Variants in KMT2E observed in about 807,000 individuals in gnomAD.
The protein encoded by KMT2E is histone reader KMT2E.
In KMT2E, 30 loss-of-function variants were observed where a neutral mutation model predicts 184.6. The ratio of observed to expected loss-of-function variants is 0.16; its 90% CI spans 0.12 to 0.22. The LOEUF (loss-of-function observed/expected upper bound fraction) is 0.22. Ranked by LOEUF, KMT2E falls within the 10% of genes least tolerant of loss-of-function variation. The pLI is 1.00. For synonymous variants in KMT2E, 815 were observed against 776.5 expected (o/e 1.05, Z -0.82); for missense variants, 2,023 against 2,237.4 (o/e 0.90, Z 1.93).
In KMT2E at chr7:105,114,499, T is replaced by C. The variant is rs1799514666; in HGVS notation, c.*1166T>C. On this transcript the variant is annotated 3_prime_UTR_variant, in exon 27 of 27. Coordinates refer to ENST00000311117, the MANE Select transcript of KMT2E (RefSeq NM_182931.3). ...AAATGGCCTCTTAAGTGAACGTTTT[T>C]ATTGCTAAAATATAAAATGCTAGTT... 1 of 152,218 alleles carries C rather than the reference T, an allele frequency of 6.6e-6. No homozygotes were observed. Among genetic ancestry groups the C allele is most frequent in the African/African-American group, 2.4e-5 (1 of 41,462 alleles). The allele number at this position is 152,218 out of a possible 1,614,324, so 9.4% of individuals were successfully genotyped here. A position where few individuals can be genotyped will look rare whatever the true frequency, so the allele number is the denominator to read the frequency against.
At chr7:105,050,871 A>G (rs1222767746) in intron 3 of KMT2E, among the ~76,000 whole-genome samples, 2 of 151,796 alleles carry the variant, frequency 1.3e-5, no homozygotes, top group Non-Finnish European at 2.9e-5. Flanking sequence ...CTGAGATTAC[A>G]GGTGGCCACC....
intron 13 of KMT2E, among the ~76,000 whole-genome samples, chr7:105,085,887 T>C (rs1014361118): frequency 2.0e-5 from 3 of 152,134 alleles, no homozygotes; most frequent in Admixed American, 2.0e-4. Context: ...TTAGCCAGGA[T>C]GGTCTCCATC....
chr7:105,105,920 C>G lies in KMT2E; in HGVS notation c.2513C>G (p.Pro838Arg). 1 of 1,613,526 alleles carries G rather than the reference C, an allele frequency of 6.2e-7. No individual in the cohort carries two copies. The highest frequency in any genetic ancestry group is 8.5e-7 in the Non-Finnish European group (1 of 1,179,636). The change falls in exon 19 of 27, where the codon CCC (proline) becomes CGC (arginine). Residue 838 changes from proline (P) to arginine (R), a missense_variant. Physicochemically the swap from Pro to Arg is moderately radical, Grantham distance 103. Coordinates refer to ENST00000311117, the MANE Select transcript of KMT2E (RefSeq NM_182931.3). ...GCAATTTTACATAGATTTAATTCACCCTGTCAAGAAAGATCCAGAAGTCCT... is the reference window on the plus strand; with the variant it reads ...GCAATTTTACATAGATTTAATTCACGCTGTCAAGAAAGATCCAGAAGTCCT... ...NSAILHRFNS[P>R]CQERSRSPAV...
At chr7:105,015,349 T>C (rs1391410305) in intron 1 of KMT2E, among the ~76,000 whole-genome samples, 1 of 152,222 alleles carries the variant, frequency 6.6e-6, no homozygotes, top group Non-Finnish European at 1.5e-5. Context: ...CAGAGTGCTC[T>C]CTTCTACTGG....
At chr7:105,095,242 G>GAACT (rs1362222133) in intron 15 of KMT2E, among the ~76,000 whole-genome samples, 3 of 152,136 alleles carry the variant, frequency 2.0e-5, no homozygotes, top group African/African-American at 7.2e-5. Flanking sequence ...ATTGTCTCAT[G>GAACT]AACTCTAGGT....
chr7:105,104,441 AT>A (rs1798802952), intron 17 of KMT2E: 1 of 152,138 alleles, frequency 6.6e-6, no homozygotes. Context: ...CAATCCCAAC[AT>A]TTGGGGAGGT....
chr7:105,105,174 A>G (rs1584801694), intron 17 of KMT2E: 2 of 283,040 alleles, frequency 7.1e-6, no homozygotes, highest in Admixed American at 5.3e-5. Flanking sequence ...CAAAAAAAAA[A>G]GTAATACAAA....
At chr7:105,024,539 A>G (rs1445546997) in intron 1 of KMT2E, among the ~76,000 whole-genome samples, 1 of 152,196 alleles carries the variant, frequency 6.6e-6, no homozygotes, top group East Asian at 1.9e-4. Flanking sequence ...GACCTCATGT[A>G]TCAATTATAT....
At chr7:105,048,409 G>A (rs1796192536) in intron 3 of KMT2E, among the ~76,000 whole-genome samples, 1 of 151,734 alleles carries the variant, frequency 6.6e-6, no homozygotes, top group South Asian at 2.1e-4. Context: ...TAAATACTGA[G>A]TTTTAAAAAA....
intron 13 of KMT2E, among the ~76,000 whole-genome samples, chr7:105,083,235 A>G (rs1349872971): frequency 6.6e-6 from 1 of 152,154 alleles, no homozygotes; most frequent in Non-Finnish European, 1.5e-5. Context: ...CCAGACTTTC[A>G]TGATCTTCTC....
chr7:105,047,317 G>C (rs1306433872), intron 3 of KMT2E, among the ~76,000 whole-genome samples: 1 of 152,210 alleles, frequency 6.6e-6, no homozygotes, highest in East Asian at 1.9e-4. Context: ...CTTATCATTT[G>C]AGGAAAGTTT....
chr7:105,033,381 C>G (rs1382314806), intron 1 of KMT2E, among the ~76,000 whole-genome samples: 1 of 152,096 alleles, frequency 6.6e-6, no homozygotes, highest in Admixed American at 6.5e-5. Context: ...TAGAGAAATT[C>G]TATGTATTTT....
In KMT2E at chr7:105,062,933, GT is replaced by G. The variant is rs549253953; in HGVS notation, c.187-417del. 4.5e-3 allele frequency among the ~76,000 whole-genome samples: 678 copies of G among 151,204 alleles called. 5 individuals are homozygous for G. Among genetic ancestry groups the G allele is most frequent in the African/African-American group, 0.016 (647 of 41,326 alleles). On this transcript the variant is annotated intron_variant, in intron 4 of 26. Coordinates refer to ENST00000311117, the MANE Select transcript of KMT2E (RefSeq NM_182931.3). ...AAAAAACTATATTATATGTTTTATA[GT>G]GATAAATATGTCTTGTTTTATTATT...
rs1245522736 is a variant in KMT2E, at chr7:105,038,180, G to GATTT, written c.-132_-129dup. The GATTT allele has an allele frequency of 6.6e-6, 1 of 152,128 alleles. No homozygotes were observed. The highest frequency in any genetic ancestry group is 2.4e-5 in the African/African-American group (1 of 41,434). 9.4% of individuals were successfully genotyped at this position (152,128 alleles called of 1,614,324 possible). A position where few individuals can be genotyped will look rare whatever the true frequency, so the allele number is the denominator to read the frequency against. On this transcript the variant is annotated 5_prime_UTR_variant, in exon 2 of 27. Coordinates refer to ENST00000311117, the MANE Select transcript of KMT2E (RefSeq NM_182931.3). ...GACATTTATTCTTTCTTGGACCTCA[G>GATTT]ATTTACCAGACATCTCATGGTATTT... is the stretch of plus-strand genomic sequence containing the variant.
At chr7:105,084,641 A>AC (rs1797890146) in intron 13 of KMT2E, among the ~76,000 whole-genome samples, 1 of 151,640 alleles carries the variant, frequency 6.6e-6, no homozygotes, top group African/African-American at 2.4e-5. Context: ...AAAAAAAAAA[A>AC]ATTACTGTAT....
intron 1 of KMT2E, among the ~76,000 whole-genome samples, chr7:105,037,380 T>A (rs550014301): frequency 2.0e-5 from 3 of 152,268 alleles, no homozygotes; most frequent in East Asian, 3.9e-4. Flanking sequence ...TTGTTTTTTT[T>A]AAGACAGGGT....
intron 15 of KMT2E, among the ~76,000 whole-genome samples, chr7:105,096,872 G>A (rs958820324): frequency 3.3e-5 from 5 of 152,128 alleles, no homozygotes; most frequent in Admixed American, 6.5e-5. Flanking sequence ...AGTATTCCAC[G>A]CAAGTATAAT....
chr7:105,110,886 T>C lies in KMT2E; in HGVS notation c.4068+18T>C, dbSNP rs775561045. Reference sequence around the variant, plus strand: ...TGAGCAAGGTAATAACATTGACCTTTCGATGGGTTCCAAAGGACTTTAGGT... The same window carrying C: ...TGAGCAAGGTAATAACATTGACCTTCCGATGGGTTCCAAAGGACTTTAGGT... On this transcript the variant is annotated intron_variant, in intron 26 of 26. Coordinates refer to ENST00000311117, the MANE Select transcript of KMT2E (RefSeq NM_182931.3). 6.4e-7 allele frequency: 1 copy of C among 1,559,086 alleles called. No homozygotes were observed. Among genetic ancestry groups the C allele is most frequent in the Non-Finnish European group, 8.8e-7 (1 of 1,129,980 alleles).
At chr7:105,068,497 A>C (rs981210593) in intron 6 of KMT2E, among the ~76,000 whole-genome samples, 2 of 151,698 alleles carry the variant, frequency 1.3e-5, no homozygotes, top group African/African-American at 4.8e-5. Flanking sequence ...ATTGTCGAAC[A>C]GGCTACGTGT....
Sources: allele counts gnomAD v4.1 joint callset (sites outside exome capture counted in the v4.1 genomes callset), GRCh38; gene constraint gnomAD v4.1.1; transcripts MANE v1.5; gene names NCBI Gene and HGNC (gene_info 2026-07-23, HGNC 2026-07-21).